PPP1R21: variants seen among roughly 807,000 people sequenced by gnomAD.
The protein encoded by PPP1R21 is KLRAQ motif containing 1.
PPP1R21 carries 85 observed loss-of-function variants against 112.8 expected under a neutral mutation model. The ratio of observed to expected loss-of-function variants is 0.75; its 90% CI spans 0.63 to 0.90. PPP1R21 has a LOEUF of 0.90. Ranked by LOEUF, PPP1R21 falls within the 40% of genes least tolerant of loss-of-function variation. PPP1R21 has a pLI of 0.00. For missense variants in PPP1R21, 1,199 were observed against 901.5 expected, an observed-to-expected ratio of 1.33 and a Z score of -4.23; for synonymous variants, 381 against 322.3, an observed-to-expected ratio of 1.18 and a Z score of -1.95.
intron 13 of PPP1R21, among the ~76,000 whole-genome samples, chr2:48,480,503 T>G (rs1439124742): frequency 1.3e-5 from 2 of 152,160 alleles, no homozygotes; most frequent in African/African-American, 4.8e-5. Context: ...GAAAGTCTGG[T>G]TTTGCATTTT....
chr2:48,483,879 G>A (rs76792785), intron 13 of PPP1R21, among the ~76,000 whole-genome samples: 2,163 of 151,536 alleles, frequency 0.014, 46 homozygotes, highest in African/African-American at 0.047. Context: ...ATAGAGGTGG[G>A]GTCCTTCTAT....
rs140182996 is a variant in PPP1R21 at position 48,486,643 on chromosome 2, A to G, written c.1331A>G (p.His444Arg). The G allele has an allele frequency of 7.4e-6, 12 of 1,611,018 alleles. No individual in the cohort carries two copies. The highest frequency in any genetic ancestry group is 6.7e-5 in the Admixed American group (4 of 59,960). The change falls in exon 14 of 22, where the codon CAT becomes CGT. Residue 444 changes from histidine (H) to arginine (R), a missense_variant. Transcript: ENST00000294952. ...FHDVMKDISK[H>R]YSQKAAIEHE... The stretch of plus-strand genomic sequence containing the variant: ...ATTGCTTTTATAGATATTTCCAAAC[A>G]TTATAGTCAAAAAGCTGCAATAGAG...
At chr2:48,485,709 A>G (rs1271173754) in intron 13 of PPP1R21, among the ~76,000 whole-genome samples, 3 of 151,634 alleles carry the variant, frequency 2.0e-5, no homozygotes, top group East Asian at 1.9e-4. Context: ...CTCAAATACT[A>G]TTTCTTTTCA....
At chr2:48,512,502 C>T (rs1670688833) in intron 21 of PPP1R21, among the ~76,000 whole-genome samples, 2 of 147,342 alleles carry the variant, frequency 1.4e-5, no homozygotes, top group African/African-American at 5.4e-5. Flanking sequence ...TGAGTTCCTG[C>T]TGTGTATACT....
At chr2:48,504,838 T>C (rs1245623513) in intron 17 of PPP1R21, among the ~76,000 whole-genome samples, 2 of 152,002 alleles carry the variant, frequency 1.3e-5, no homozygotes, top group African/African-American at 4.8e-5. Context: ...TTTTAAAAAA[T>C]CTAGCAGCAG....
At position 48,460,300 on chromosome 2, in the gene PPP1R21, T is replaced by A. The variant is rs1437964223; in HGVS notation, c.599+147T>A. The A allele has an allele frequency of 8.0e-6, 6 of 750,108 alleles. No individual in the cohort carries two copies. In the African/African-American group the frequency reaches 1.1e-4, roughly 13 times the overall value. The allele number at this position is 750,108 out of a possible 1,614,324, so 46.5% of individuals were successfully genotyped here. A position where few individuals can be genotyped will look rare whatever the true frequency, so the allele number is the denominator to read the frequency against. On this transcript the variant is annotated intron_variant, in intron 6 of 21. Transcript: ENST00000294952. ...TACAGGGTCCTTTTCAATTCTGGGA[T>A]CTCCGGGGCCCTAAGCATTCTTGAT...
At chr2:48,511,748 G>A (rs553856202) in intron 21 of PPP1R21, among the ~76,000 whole-genome samples, 84 of 151,942 alleles carry the variant, frequency 5.5e-4, no homozygotes, top group Non-Finnish European at 3.2e-4. Context: ...GCCTGTGCCT[G>A]TAGTCCCAGC....
intron 17 of PPP1R21, among the ~76,000 whole-genome samples, chr2:48,504,592 G>A (rs923982322): frequency 2.0e-5 from 3 of 152,194 alleles, no homozygotes; most frequent in Admixed American, 6.5e-5. Context: ...AGTGAGCCTC[G>A]GTCGCACCAT....
At chr2:48,454,842 TTTTC>T in intron 3 of PPP1R21, 101 bp downstream of exon 3, 2 of 921,940 alleles carry the variant, frequency 2.2e-6, no homozygotes, top group South Asian at 1.5e-5. Flanking sequence ...CGAATTATTT[TTTTC>T]TTTGTTTGTT....
intron 21 of PPP1R21, among the ~76,000 whole-genome samples, chr2:48,513,694 T>G (rs192443193): frequency 1.3e-5 from 2 of 152,236 alleles, no homozygotes; most frequent in African/African-American, 4.8e-5. Flanking sequence ...ATTGTCTGCA[T>G]TGGATACAAA....
chr2:48,459,638 C>T, intron 4 of PPP1R21, 116 bp from the exon 5 acceptor site: 1 of 1,120,224 alleles, frequency 8.9e-7, no homozygotes, highest in Non-Finnish European at 1.3e-6. Context: ...GTGGGTTTAA[C>T]ATAGTCAGCA....
rs565416009 is a variant in PPP1R21 at position 48,503,790 on chromosome 2, TA to T, written c.1936-1761del. On this transcript the variant is annotated intron_variant, in intron 17 of 21. Coordinates refer to ENST00000294952, the MANE Select transcript of PPP1R21 (RefSeq NM_001135629.3). ...GTGAAACCCCATCTCTACTAAAGAT[TA>T]AAAAAAAAAAAATTAGCTGGGCGTG... Among the ~76,000 whole-genome samples the T allele has an allele frequency of 2.7e-3, 382 of 143,240 alleles. 1 individual carries two copies. Among genetic ancestry groups the T allele is most frequent in the South Asian group, 0.012 (52 of 4,510 alleles). The allele number at this position is 143,240 out of a possible 152,430, so 94.0% of individuals were successfully genotyped here.
intron 6 of PPP1R21, among the ~76,000 whole-genome samples, chr2:48,460,760 A>C (rs140214157): frequency 7.2e-5 from 11 of 152,382 alleles, no homozygotes; most frequent in Non-Finnish European, 1.6e-4. Flanking sequence ...TACAGTATGT[A>C]CTTAAAAAAA....
chr2:48,449,448 C>T (rs189352023), intron 1 of PPP1R21, among the ~76,000 whole-genome samples: 1 of 152,230 alleles, frequency 6.6e-6, no homozygotes, highest in Admixed American at 6.5e-5. Context: ...AATGGCAGAG[C>T]AAATATTTGG....
At chr2:48,512,642 A>G (rs1318638791) in intron 21 of PPP1R21, among the ~76,000 whole-genome samples, 1 of 152,204 alleles carries the variant, frequency 6.6e-6, no homozygotes, top group Non-Finnish European at 1.5e-5. Flanking sequence ...TCTGCATTAT[A>G]TATGATTTTG....
At chr2:48,487,214 C>CA (rs1669341619) in intron 14 of PPP1R21, among the ~76,000 whole-genome samples, 1 of 151,878 alleles carries the variant, frequency 6.6e-6, no homozygotes, top group South Asian at 2.1e-4. Context: ...TGGGAACATA[C>CA]AAAAAAAGAA....
chr2:48,501,343 A>C (rs1670102625), intron 17 of PPP1R21, among the ~76,000 whole-genome samples: 1 of 152,134 alleles, frequency 6.6e-6, no homozygotes, highest in African/African-American at 2.4e-5. Flanking sequence ...CCTTCTTCTT[A>C]GAGTTGGTGG....
intron 9 of PPP1R21, among the ~76,000 whole-genome samples, chr2:48,469,860 G>A (rs1052194077): frequency 6.6e-6 from 1 of 152,072 alleles, no homozygotes; most frequent in African/African-American, 2.4e-5. Flanking sequence ...GATGACTGGA[G>A]TGTTTAAACT....
rs1171488947 is a variant in PPP1R21, at chr2:48,474,732, A to G, written c.1138A>G (p.Arg380Gly). ...SSLCTSALRA[R>G]NLELSQDMKK... ...TCTTTGCACATCTGCGTTAAGAGCC[A>G]GGAATCTAGAGCTGTCCCAGGACAT... Residue 380 changes from arginine (R) to glycine (G), a missense_variant, in exon 12 of 22, where the codon AGG becomes GGG. By Grantham distance (125) the Arg-to-Gly change is moderately radical. Transcript: ENST00000294952. 1.2e-6 allele frequency: 2 copies of G among 1,613,408 alleles called. No individual in the cohort carries two copies. The highest frequency in any genetic ancestry group is 3.3e-4 in the Middle Eastern group (2 of 6,062).
Sources: allele counts gnomAD v4.1 joint callset (sites outside exome capture counted in the v4.1 genomes callset), GRCh38; gene constraint gnomAD v4.1.1; transcripts MANE v1.5; gene names NCBI Gene and HGNC (gene_info 2026-07-23, HGNC 2026-07-21).